The following FAT4 variants were observed in gnomAD, a reference collection of about 807,000 sequenced individuals.
FAT4 encodes the protein protocadherin Fat 4.
In FAT4, 84 loss-of-function variants were observed where a neutral mutation model predicts 303.9. That is an observed-to-expected ratio of 0.28 (90% CI 0.23 to 0.33). FAT4 has a LOEUF of 0.33. FAT4 is among the 10% of genes least tolerant of loss of function. The probability of loss-of-function intolerance (pLI) is 1.00; values close to 1 mark genes in which losing one functional copy is unlikely to be tolerated. For missense variants in FAT4, 6,005 were observed against 6,146.8 expected (o/e 0.98, Z 0.77); for synonymous variants, 2,307 against 2,298.8 (o/e 1.00, Z -0.10).
intron 5 of FAT4, among the ~76,000 whole-genome samples, chr4:125,413,652 A>AT (rs1734930992): frequency 6.6e-6 from 1 of 151,302 alleles, no homozygotes; most frequent in Non-Finnish European, 1.5e-5. Flanking sequence ...GTAGAAAAAA[A>AT]TCTCATACTC....
intron 2 of FAT4, among the ~76,000 whole-genome samples, chr4:125,340,759 A>G (rs1251560375): frequency 6.6e-6 from 1 of 152,190 alleles, no homozygotes; most frequent in Non-Finnish European, 1.5e-5. Context: ...CAGCAGCAGT[A>G]GTAGTATTAG....
chr4:125,413,023 A>G (rs1474945106), intron 5 of FAT4, among the ~76,000 whole-genome samples: 2 of 151,828 alleles, frequency 1.3e-5, no homozygotes. Context: ...ACACGTATAC[A>G]CATAATTAAA....
rs1279846632 is a variant in FAT4 at position 125,448,576 on chromosome 4, A to G, written c.7566A>G (p.Gly2522=). 5 of 1,613,950 alleles carry G rather than the reference A, an allele frequency of 3.1e-6. No individual in the cohort carries two copies. In the South Asian group the frequency reaches 5.5e-5, roughly 18 times the overall value. ...SEKFHIDPLR[G]AIMAAGPLNG... ...AATTTCACATTGACCCACTGAGGGG[A>G]GCCATTATGGCCGCCGGACCACTAA... is the stretch of plus-strand genomic sequence containing the variant. Residue 2522 remains glycine (G), a synonymous_variant, in exon 10 of 18, where the codon GGA becomes GGG. Transcript: ENST00000394329.
chr4:125,332,126 T>C (rs148876215), intron 2 of FAT4, among the ~76,000 whole-genome samples: 36 of 151,938 alleles, frequency 2.4e-4, no homozygotes, highest in South Asian at 4.2e-4. Context: ...AATGTCTTTC[T>C]ATTTTTAAAG....
At chr4:125,427,294 A>G (rs902241702) in intron 7 of FAT4, among the ~76,000 whole-genome samples, 3 of 151,578 alleles carry the variant, frequency 2.0e-5, no homozygotes, top group Admixed American at 1.3e-4. Context: ...TTGTTGTGCA[A>G]TTTTTCAGTG....
chr4:125,331,815 C>G (rs780639151), intron 2 of FAT4, among the ~76,000 whole-genome samples: 3 of 152,154 alleles, frequency 2.0e-5, no homozygotes, highest in Non-Finnish European at 4.4e-5. Flanking sequence ...CCTTGTTCAA[C>G]ATTTCACATC....
intron 16 of FAT4, among the ~76,000 whole-genome samples, chr4:125,483,785 ATAAC>A (rs938351237): frequency 1.4e-4 from 21 of 152,156 alleles, no homozygotes; most frequent in African/African-American, 5.1e-4. Context: ...TGAATTAAGA[ATAAC>A]TAAGTAAACC....
rs1726047163 is a variant in FAT4 at position 125,451,054 on chromosome 4, C to G, written c.10044C>G (p.Phe3348Leu). 4 of 1,613,928 alleles carry G rather than the reference C, an allele frequency of 2.5e-6. No individual in the cohort carries two copies. The East Asian group carries it at 6.7e-5, about 27-fold the overall frequency. ...TTGGTAATAGTCGAAAGAAGGGTTT[C>G]CAGATCAATAAGAAGACTGGACAGA... ...LIFGNSRKKGFQINKKTGQIY... is the reference protein window; with the variant it reads ...LIFGNSRKKGLQINKKTGQIY... The change falls in exon 10 of 18, where the codon TTC becomes TTG. Residue 3348 changes from phenylalanine to leucine, a missense_variant. Transcript: ENST00000394329.
intron 2 of FAT4, among the ~76,000 whole-genome samples, chr4:125,350,743 G>A (rs1732190238): frequency 6.6e-6 from 1 of 151,600 alleles, no homozygotes; most frequent in Non-Finnish European, 1.5e-5. Context: ...AGTTTACAAA[G>A]TTCCTGCTGA....
rs1366989499 is a variant in FAT4 at position 125,321,368 on chromosome 4, G to A, written c.4957G>A (p.Ala1653Thr). The A allele has an allele frequency of 1.2e-5, 19 of 1,614,138 alleles. No homozygotes were observed. The highest frequency in any genetic ancestry group is 1.6e-5 in the Non-Finnish European group (19 of 1,179,996). ...PIGTNVISIE[A>T]ASPRGSEAPV... is the part of the protein sequence containing the mutation. ...TGGCACAAACGTGATATCAATAGAA[G>A]CAGCTAGCCCCAGAGGATCTGAGGC... Residue 1653 changes from alanine (A) to threonine (T), a missense_variant, in exon 2 of 18, where the codon GCA becomes ACA. Physicochemically the swap from Ala to Thr is moderately conservative, Grantham distance 58 (BLOSUM62 0). Transcript: ENST00000394329.
At chr4:125,389,567 T>C (rs910621658) in intron 2 of FAT4, among the ~76,000 whole-genome samples, 2 of 152,216 alleles carry the variant, frequency 1.3e-5, no homozygotes, top group Non-Finnish European at 1.5e-5. Context: ...CTAGTAGTTA[T>C]GTTTCATTCA....
At chr4:125,351,264 G>A (rs1033607085) in intron 2 of FAT4, among the ~76,000 whole-genome samples, 3 of 151,674 alleles carry the variant, frequency 2.0e-5, no homozygotes, top group Non-Finnish European at 2.9e-5. Flanking sequence ...TAAATGTACA[G>A]ATAAAACAAT....
Position 125,321,075 on chromosome 4 carries a change from CA to C in FAT4, c.4665del (p.Asp1556MetfsTer8), listed in dbSNP as rs1457550001. On this transcript the variant is annotated frameshift_variant, in exon 2 of 18. Coordinates refer to ENST00000394329, the MANE Select transcript of FAT4 (RefSeq NM_001291303.3). LOFTEE classifies it high-confidence loss of function. Reference sequence around the variant, plus strand: ...CTGACAACAATTATGGCTGCTGACCCAGATGAAGGTGCTAATGGAGAAATAG... The same window carrying C: ...CTGACAACAATTATGGCTGCTGACCCGATGAAGGTGCTAATGGAGAAATAG... ...SVLTTIMAAD[P>X]DEGANGEIEY... 4 of 1,614,146 alleles carry C rather than the reference CA, an allele frequency of 2.5e-6. No individual in the cohort carries two copies. Among genetic ancestry groups the C allele is most frequent in the Non-Finnish European group, 2.5e-6 (3 of 1,180,004 alleles).
Position 125,463,666 on chromosome 4 carries a change from T to A in FAT4, c.11904T>A (p.Phe3968Leu), listed in dbSNP as rs781454695. ...ATTCTTATTATTGTCATTGTCCATT[T>A]GGTGAGTAAAACTTATTTGTTGATA... ...GVDSYYCHCP[F>L]GVFGKHCELN... Residue 3968 changes from phenylalanine to leucine, a missense_variant and splice_region_variant, in exon 11 of 18, where the codon TTT (phenylalanine) becomes TTA (leucine). By Grantham distance (22) the Phe-to-Leu change is conservative (BLOSUM62 0). Coordinates refer to ENST00000394329, the MANE Select transcript of FAT4 (RefSeq NM_001291303.3). 6 of 1,544,916 alleles carry A rather than the reference T, an allele frequency of 3.9e-6. No homozygotes were observed. Among genetic ancestry groups the A allele is most frequent in the Middle Eastern group, 1.7e-4 (1 of 5,864 alleles).
At position 125,408,486 on chromosome 4, in the gene FAT4, G is replaced by A; in HGVS notation, c.5612G>A (p.Gly1871Asp). ...ATTTTAGCCACGGATGATGACTCTGGTGTGAATGGAGAAATTACATATATT... is the reference window on the plus strand; with the variant it reads ...ATTTTAGCCACGGATGATGACTCTGATGTGAATGGAGAAATTACATATATT... Reference protein sequence around the residue: ...AAILATDDDSGVNGEITYIVN... With the variant: ...AAILATDDDSDVNGEITYIVN... Residue 1871 changes from glycine to aspartate, a missense_variant, in exon 5 of 18, where the codon GGT (glycine) becomes GAT (aspartate). Coordinates refer to ENST00000394329, the MANE Select transcript of FAT4 (RefSeq NM_001291303.3). 1.2e-6 allele frequency: 2 copies of A among 1,612,390 alleles called. No individual in the cohort carries two copies. The highest frequency in any genetic ancestry group is 1.7e-6 in the Non-Finnish European group (2 of 1,179,236).
At chr4:125,349,217 T>A (rs1221335181) in intron 2 of FAT4, among the ~76,000 whole-genome samples, 1 of 151,936 alleles carries the variant, frequency 6.6e-6, no homozygotes, top group East Asian at 1.9e-4. Flanking sequence ...AATTTTCCAG[T>A]ATATTAAAAC....
chr4:125,368,568 C>T (rs1287440773), intron 2 of FAT4, among the ~76,000 whole-genome samples: 1 of 147,308 alleles, frequency 6.8e-6, no homozygotes, highest in South Asian at 2.1e-4. Context: ...AAAATGTTAA[C>T]CCTTTCTATC....
chr4:125,374,623 C>T (rs1733245619), intron 2 of FAT4, among the ~76,000 whole-genome samples: 1 of 152,128 alleles, frequency 6.6e-6, no homozygotes, highest in African/African-American at 2.4e-5. Context: ...ATGTAGTTGT[C>T]CCACGTATAT....
chr4:125,339,585 CAACTAA>C (rs1216852678), intron 2 of FAT4, among the ~76,000 whole-genome samples: 1 of 152,136 alleles, frequency 6.6e-6, no homozygotes, highest in African/African-American at 2.4e-5. Context: ...ACCTCTAAAA[CAACTAA>C]AACTAACATT....
Sources: allele counts gnomAD v4.1 joint callset (sites outside exome capture counted in the v4.1 genomes callset), GRCh38; gene constraint gnomAD v4.1.1; transcripts MANE v1.5; gene names NCBI Gene and HGNC (gene_info 2026-07-23, HGNC 2026-07-21).